COX19: variants seen among roughly 807,000 people sequenced by gnomAD.
COX19 encodes the protein cytochrome c oxidase assembly protein COX19.
COX19 carries 8 observed loss-of-function variants against 6.8 expected under a neutral mutation model. The observed-to-expected ratio is 1.18, with a 90% CI of 0.69 to 2.12. COX19 has a LOEUF of 2.12. Among genes scored for constraint, COX19 ranks in the 30% most tolerant of loss-of-function variants. The probability of loss-of-function intolerance (pLI) is 0.00; values close to 1 mark genes in which losing one functional copy is unlikely to be tolerated. For missense variants in COX19, 131 were observed against 104.6 expected (o/e 1.25, Z -1.10); for synonymous variants, 51 against 38.0 (o/e 1.34, Z -1.26).
In COX19 at chr7:964,949, C is replaced by T. The variant is rs1237609237; in HGVS notation, c.*4429G>A. On this transcript the variant is annotated 3_prime_UTR_variant, in exon 3 of 3. Coordinates refer to ENST00000344111, the MANE Select transcript of COX19 (RefSeq NM_001031617.3). ...TGCACATGACAGATGATGAACTACCCGAAATATCTCGTGAGAAGCTCTGGC... is the reference window on the plus strand; with the variant it reads ...TGCACATGACAGATGATGAACTACCTGAAATATCTCGTGAGAAGCTCTGGC... Among the ~76,000 whole-genome samples the T allele has an allele frequency of 2.0e-5, 3 of 152,188 alleles. No individual in the cohort carries two copies. Among genetic ancestry groups the T allele is most frequent in the Non-Finnish European group, 2.9e-5 (2 of 68,040 alleles).
At chr7:974,038 AC>A (rs1847670023) in intron 1 of COX19, among the ~76,000 whole-genome samples, 2 of 151,580 alleles carry the variant, frequency 1.3e-5, no homozygotes, top group Admixed American at 6.6e-5. Context: ...AAATAAAAAA[AC>A]AATAATAATT....
intron 2 of COX19, 174 bp downstream of exon 2, chr7:973,007 T>C (rs1847656449): frequency 1.0e-5 from 4 of 396,428 alleles, no homozygotes; most frequent in Admixed American, 9.0e-5. Flanking sequence ...AAACAGCTTT[T>C]GGTACAATTT....
At position 965,770 on chromosome 7, in the gene COX19, G is replaced by A. The variant is rs1847543727; in HGVS notation, c.*3608C>T. ...TTCTCCCACCTCGGCCTCCCGAATA[G>A]CTGGATTACAGACACACGCCACCAG... On this transcript the variant is annotated 3_prime_UTR_variant, in exon 3 of 3. Transcript: ENST00000344111. Among the ~76,000 whole-genome samples the A allele has an allele frequency of 6.6e-6, 1 of 152,312 alleles. No individual in the cohort carries two copies. Among genetic ancestry groups the A allele is most frequent in the African/African-American group, 2.4e-5 (1 of 41,582 alleles).
chr7:968,742 G>A lies in COX19; in HGVS notation c.*636C>T, dbSNP rs1194342451. On this transcript the variant is annotated 3_prime_UTR_variant, in exon 3 of 3. Coordinates refer to ENST00000344111, the MANE Select transcript of COX19 (RefSeq NM_001031617.3). ...GCAAATGGACTCAGGTTCTTTTTCT[G>A]TTAAAATACAGGAGTTACTGAAATT... The A allele has an allele frequency of 6.6e-6, 1 of 152,234 alleles. No individual in the cohort carries two copies. 9.4% of individuals were successfully genotyped at this position (152,234 alleles called of 1,614,324 possible). A position where few individuals can be genotyped will look rare whatever the true frequency, so the allele number is the denominator to read the frequency against.
Position 973,223 on chromosome 7 carries a change from C to T in COX19, c.152G>A (p.Cys51Tyr), listed in dbSNP as rs1271176799. 1 of 1,606,346 alleles carries T rather than the reference C, an allele frequency of 6.2e-7. No individual in the cohort carries two copies. The highest frequency in any genetic ancestry group is 8.5e-7 in the Non-Finnish European group (1 of 1,176,792). The change falls in exon 2 of 3, where the codon TGC becomes TAC. Residue 51 changes from cysteine to tyrosine, a missense_variant. Cys to Tyr is a radical substitution (Grantham distance 194, BLOSUM62 -2). Transcript: ENST00000344111. Reference sequence around the variant, plus strand: ...TAAATATTCTTTTGATTCCTTTCTGCACAAAGCATTTTCAAAATTATTGTT... The same window carrying T: ...TAAATATTCTTTTGATTCCTTTCTGTACAAAGCATTTTCAAAATTATTGTT... The part of the protein sequence containing the change: ...LHNNNFENAL[C>Y]RKESKEYLEC...
At position 975,545 on chromosome 7, in the gene COX19, C is replaced by T; in HGVS notation, c.-36G>A. 1 of 1,568,140 alleles carries T rather than the reference C, an allele frequency of 6.4e-7. No homozygotes were observed. The highest frequency in any genetic ancestry group is 1.4e-5 in the African/African-American group (1 of 71,296). ...CCGGAGTCTGCGAGCGCCTTGCGAG[C>T]GTACGCAGGGCGGCCGGCGGAGCGC... On this transcript the variant is annotated 5_prime_UTR_variant, in exon 1 of 3. Transcript: ENST00000344111.
In COX19 at chr7:974,699, C is replaced by A. The variant is rs887700282; in HGVS notation, c.82+729G>T. On this transcript the variant is annotated intron_variant, in intron 1 of 2. Coordinates refer to ENST00000344111, the MANE Select transcript of COX19 (RefSeq NM_001031617.3). ...TTTGAGACGTTGTCTCACTCTGTCG[C>A]CCAAGCTGCAGTGCAGTGGCCCGAT... 5.3e-5 allele frequency among the ~76,000 whole-genome samples: 8 copies of A among 151,970 alleles called. 1 individual carries two copies. Among genetic ancestry groups the A allele is most frequent in the Middle Eastern group, 6.8e-3 (2 of 294 alleles).
At position 967,334 on chromosome 7, in the gene COX19, G is replaced by C. The variant is rs542574946; in HGVS notation, c.*2044C>G. On this transcript the variant is annotated 3_prime_UTR_variant, in exon 3 of 3. Coordinates refer to ENST00000344111, the MANE Select transcript of COX19 (RefSeq NM_001031617.3). ...TTTCTCTATCCAGTTACCTTTGTAC[G>C]TTAGAAAAGCAGGAGCTCAATACAC... is the stretch of plus-strand genomic sequence containing the variant. The C allele has an allele frequency of 6.6e-6, 1 of 152,234 alleles. No homozygotes were observed. The highest frequency in any genetic ancestry group is 1.5e-5 in the Non-Finnish European group (1 of 68,044). 9.4% of individuals were successfully genotyped at this position (152,234 alleles called of 1,614,324 possible).
intron 2 of COX19, among the ~76,000 whole-genome samples, chr7:970,896 T>C (rs752215388): frequency 7.9e-5 from 12 of 152,214 alleles, no homozygotes; most frequent in Non-Finnish European, 1.6e-4. Flanking sequence ...CCCAGCTGTT[T>C]ATCGCAGTGC....
In COX19 at chr7:965,361, C is replaced by T. The variant is rs1307440737; in HGVS notation, c.*4017G>A. Among the ~76,000 whole-genome samples, 5 of 152,196 alleles carry T rather than the reference C, an allele frequency of 3.3e-5. No homozygotes were observed. Among genetic ancestry groups the T allele is most frequent in the East Asian group, 1.9e-4 (1 of 5,206 alleles). On this transcript the variant is annotated 3_prime_UTR_variant, in exon 3 of 3. Transcript: ENST00000344111. ...ACTGGGCCAGCGCTGCCAGTCACTT[C>T]GCAGAAGGCTCCTCGGTTTGGGTCT...
intron 2 of COX19, among the ~76,000 whole-genome samples, chr7:971,504 A>C (rs1053829377): frequency 6.6e-6 from 1 of 152,198 alleles, no homozygotes; most frequent in African/African-American, 2.4e-5. Context: ...ACCAATCGAA[A>C]TTCTACGGTC....
In COX19 at chr7:965,164, T is replaced by C. The variant is rs1399617295; in HGVS notation, c.*4214A>G. Among the ~76,000 whole-genome samples, 1 of 151,384 alleles carries C rather than the reference T, an allele frequency of 6.6e-6. No homozygotes were observed. The highest frequency in any genetic ancestry group is 2.5e-5 in the African/African-American group (1 of 40,692). On this transcript the variant is annotated 3_prime_UTR_variant, in exon 3 of 3. Transcript: ENST00000344111. ...ACCATTCATGCCGGCATCATGCCTA[T>C]TGGAAACTCTTTGAAGTTATTTTGA...
At chr7:970,033 C>T (rs1461376004) in intron 2 of COX19, among the ~76,000 whole-genome samples, 1 of 149,658 alleles carries the variant, frequency 6.7e-6, no homozygotes, top group African/African-American at 2.5e-5. Flanking sequence ...GTGTGATCAG[C>T]GGTTCAAGTT....
chr7:971,343 G>C (rs1417649430), intron 2 of COX19, among the ~76,000 whole-genome samples: 1 of 152,162 alleles, frequency 6.6e-6, no homozygotes, highest in Admixed American at 6.5e-5. Flanking sequence ...TTCTAAAACA[G>C]ACACACACGG....
Position 975,521 on chromosome 7 carries a change from C to T in COX19, c.-12G>A, listed in dbSNP as rs769577496. 5.6e-6 allele frequency: 9 copies of T among 1,598,222 alleles called. No homozygotes were observed. Among genetic ancestry groups the T allele is most frequent in the South Asian group, 4.5e-5 (4 of 89,184 alleles). ...ATGGCGGTCGACATGTTGGCGACTCCGGAGTCTGCGAGCGCCTTGCGAGCG... is the reference window on the plus strand; with the variant it reads ...ATGGCGGTCGACATGTTGGCGACTCTGGAGTCTGCGAGCGCCTTGCGAGCG... On this transcript the variant is annotated 5_prime_UTR_variant, in exon 1 of 3. Coordinates refer to ENST00000344111, the MANE Select transcript of COX19 (RefSeq NM_001031617.3).
chr7:975,351 C>T, intron 1 of COX19, 77 bp downstream of exon 1: 1 of 1,182,726 alleles, frequency 8.5e-7, no homozygotes, highest in Non-Finnish European at 1.2e-6. Context: ...GATGCCGGCA[C>T]CCCATAGGGC....
chr7:969,956 ATTTTTTTTT>A (rs58481554), intron 2 of COX19, among the ~76,000 whole-genome samples: 1 of 117,558 alleles, frequency 8.5e-6, no homozygotes, highest in Admixed American at 8.9e-5. Context: ...GTTATCTGAT[ATTTTTTTTT>A]TTTTTTTTTT....
In COX19 at chr7:969,202, A is replaced by G; in HGVS notation, c.*176T>C. 1 of 626,508 alleles carries G rather than the reference A, an allele frequency of 1.6e-6. No homozygotes were observed. Among genetic ancestry groups the G allele is most frequent in the South Asian group, 2.0e-5 (1 of 51,262 alleles). The allele number at this position is 626,508 out of a possible 1,614,324, so 38.8% of individuals were successfully genotyped here. A position where few individuals can be genotyped will look rare whatever the true frequency, so the allele number is the denominator to read the frequency against. ...GGGTTCAATGCAGAAACACCCTCCT[A>G]AGGGAAAACGGGACGCCACTCCCTA... On this transcript the variant is annotated 3_prime_UTR_variant, in exon 3 of 3. Transcript: ENST00000344111.
rs1378328215 is a variant in COX19, at chr7:965,373, C to T, written c.*4005G>A. Among the ~76,000 whole-genome samples the T allele has an allele frequency of 6.6e-6, 1 of 152,208 alleles. No homozygotes were observed. The highest frequency in any genetic ancestry group is 1.5e-5 in the Non-Finnish European group (1 of 68,046). Reference sequence around the variant, plus strand: ...CTGCCAGTCACTTCGCAGAAGGCTCCTCGGTTTGGGTCTGTGTCTGTTGTC... The same window carrying T: ...CTGCCAGTCACTTCGCAGAAGGCTCTTCGGTTTGGGTCTGTGTCTGTTGTC... On this transcript the variant is annotated 3_prime_UTR_variant, in exon 3 of 3. Transcript: ENST00000344111.
Sources: gnomAD v4.1 joint callset for allele counts (sites outside exome capture counted in the v4.1 genomes callset) on GRCh38, gnomAD v4.1.1 for gene constraint, MANE v1.5 for transcripts, NCBI Gene and HGNC (gene_info 2026-07-23, HGNC 2026-07-21) for gene names.